Variants in TET3 observed in about 807,000 individuals in gnomAD.
The protein encoded by TET3 is tet methylcytosine dioxygenase 3, also known as methylcytosine dioxygenase TET3.
TET3 carries 19 observed loss-of-function variants against 141.4 expected under a neutral mutation model. The ratio of observed to expected loss-of-function variants is 0.13; its 90% confidence interval spans 0.09 to 0.20. The LOEUF is 0.20. Ranked by LOEUF, TET3 falls within the 10% of genes least tolerant of loss-of-function variation. The pLI is 1.00. For missense variants in TET3, 1,874 were observed against 2,356.9 expected (o/e 0.80, Z 4.24); for synonymous variants, 1,043 against 980.9 (o/e 1.06, Z -1.18).
At chr2:74,050,865 A>C (rs1687906228) in intron 4 of TET3, among the ~76,000 whole-genome samples, 1 of 151,104 alleles carries the variant, frequency 6.6e-6, no homozygotes, top group Admixed American at 6.6e-5. Context: ...GGTTTACTTA[A>C]GGAAAAAAAA....
At chr2:74,061,028 G>A (rs1347096398) in intron 4 of TET3, among the ~76,000 whole-genome samples, 2 of 152,090 alleles carry the variant, frequency 1.3e-5, no homozygotes, top group African/African-American at 4.8e-5. Flanking sequence ...TGAGCTGTTG[G>A]GCACACCTCC....
chr2:74,053,198 C>T (rs1688040886), intron 4 of TET3, among the ~76,000 whole-genome samples: 1 of 152,172 alleles, frequency 6.6e-6, no homozygotes, highest in African/African-American at 2.4e-5. Context: ...TGAATTATTG[C>T]AAGTGACTTG....
At position 74,047,801 on chromosome 2, in the gene TET3, C is replaced by A; in HGVS notation, c.1884C>A (p.Val628=). The A allele has an allele frequency of 6.2e-7, 1 of 1,613,584 alleles. No homozygotes were observed. The highest frequency in any genetic ancestry group is 8.5e-7 in the Non-Finnish European group (1 of 1,179,718). The change falls in exon 4 of 12, where the codon GTC becomes GTA. Residue 628 remains valine (V), a synonymous_variant. Transcript: ENST00000409262. The part of the protein sequence containing the change: ...QPLFPPVRQI[V]LEGLRSPASQ... ...TCTTCCCACCTGTCCGACAGATTGT[C>A]CTGGAAGGGCTTAGGTCCCCAGCCT...
intron 2 of TET3, among the ~76,000 whole-genome samples, chr2:73,990,235 C>T (rs928744836): frequency 3.3e-5 from 5 of 151,936 alleles, no homozygotes; most frequent in African/African-American, 1.2e-4. Flanking sequence ...AAAAATTAGC[C>T]AGGCATGGTG....
Position 74,101,714 on chromosome 2 carries a change from T to C in TET3, c.4926T>C (p.Ser1642=), listed in dbSNP as rs371092729. ...EEEEEELWSD[S]EHNFLDENIG... ...AAGAGGAGGAGCTGTGGTCGGACAG[T>C]GAACACAACTTCCTGGACGAGAACA... Residue 1642 remains serine, a synonymous_variant, in exon 12 of 12, where the codon AGT becomes AGC. Transcript: ENST00000409262. The surrounding 1 kb of genome is among the most constrained non-coding windows in gnomAD (Gnocchi z 8.5). The C allele has an allele frequency of 2.7e-4, 443 of 1,613,310 alleles. No individual in the cohort carries two copies. The highest frequency in any genetic ancestry group is 3.4e-4 in the Non-Finnish European group (400 of 1,179,846).
At chr2:74,003,006 G>T (rs1290928451) in intron 2 of TET3, 104 bp from the exon 3 acceptor site, 4 of 1,257,300 alleles carry the variant, frequency 3.2e-6, no homozygotes, top group South Asian at 1.3e-5. Flanking sequence ...ATCCCCTCCC[G>T]TTCGCCTTCT....
At chr2:74,120,323 A>G in the TET3 span, among the ~76,000 whole-genome samples, 1 of 152,208 alleles carries the variant, frequency 6.6e-6, no homozygotes, top group East Asian at 1.9e-4. Context: ...TCTCGGCAAG[A>G]CTTTCCGCCG....
chr2:74,061,165 C>A (rs1160966138), intron 4 of TET3, among the ~76,000 whole-genome samples: 1 of 150,070 alleles, frequency 6.7e-6, no homozygotes, highest in Non-Finnish European at 1.5e-5. Flanking sequence ...CACTTCCCTC[C>A]CGGACGGGGC....
At chr2:74,034,781 C>G (rs1034100170) in intron 3 of TET3, among the ~76,000 whole-genome samples, 1 of 152,004 alleles carries the variant, frequency 6.6e-6, no homozygotes, top group Non-Finnish European at 1.5e-5. Context: ...ACAAAGCTTT[C>G]CTAGGAGTCG....
chr2:74,025,050 C>T (rs1479830541), intron 3 of TET3, among the ~76,000 whole-genome samples: 1 of 151,450 alleles, frequency 6.6e-6, no homozygotes, highest in Non-Finnish European at 1.5e-5. Context: ...AGTGAAACCC[C>T]GTCTCTACTA....
intron 4 of TET3, among the ~76,000 whole-genome samples, chr2:74,055,873 G>A (rs555928017): frequency 3.2e-4 from 48 of 152,274 alleles, no homozygotes; most frequent in Non-Finnish European, 2.4e-4. Context: ...CTCACCATGT[G>A]TCCTACACCA....
intron 2 of TET3, chr2:74,002,776 C>T: frequency 1.9e-6 from 1 of 539,634 alleles, no homozygotes; most frequent in Non-Finnish European, 3.2e-6. Flanking sequence ...GCCCGCCGGC[C>T]GATGCACCAG....
At chr2:74,134,796 CAG>C in the TET3 span, 1 of 456,634 alleles carries the variant, frequency 2.2e-6, no homozygotes, top group East Asian at 6.9e-5. Flanking sequence ...CCATGGACTC[CAG>C]AGAGAGCAGC....
At chr2:74,002,851 G>A (rs1684936118) in intron 2 of TET3, 1 of 568,056 alleles carries the variant, frequency 1.8e-6, no homozygotes, top group South Asian at 2.2e-5. Flanking sequence ...GCCGGGGGTC[G>A]CCGTCCTCTC....
chr2:74,014,140 T>C (rs1685608484), intron 3 of TET3, among the ~76,000 whole-genome samples: 1 of 152,204 alleles, frequency 6.6e-6, no homozygotes, highest in Admixed American at 6.5e-5. Context: ...ATTTCTACTG[T>C]AGTCTTATAT....
intron 2 of TET3, among the ~76,000 whole-genome samples, chr2:73,996,868 A>G (rs1489204857): frequency 6.6e-6 from 1 of 152,192 alleles, no homozygotes; most frequent in Non-Finnish European, 1.5e-5. Context: ...CCGGCAGCCC[A>G]TTGTGGGATA....
At chr2:74,037,997 G>T (rs955583756) in intron 3 of TET3, among the ~76,000 whole-genome samples, 21 of 152,284 alleles carry the variant, frequency 1.4e-4, no homozygotes, top group African/African-American at 4.8e-4. Context: ...GCATCTGGGG[G>T]GCTCTGGAGT....
At chr2:74,109,942 T>C (rs1014269892), downstream of TET3, among the ~76,000 whole-genome samples, 2 of 152,176 alleles carry the variant, frequency 1.3e-5, no homozygotes, top group African/African-American at 2.4e-5. Context: ...CACTTCCCAA[T>C]TGTGTGATTT....
chr2:74,006,745 C>T (rs979251273), intron 3 of TET3, among the ~76,000 whole-genome samples: 1 of 152,220 alleles, frequency 6.6e-6, no homozygotes, highest in Non-Finnish European at 1.5e-5. Context: ...TCACAATCCT[C>T]TTAAGTCCTC....
Sources: gnomAD v4.1 joint callset for allele counts (sites outside exome capture counted in the v4.1 genomes callset) on GRCh38, gnomAD v4.1.1 for gene constraint, Gnocchi (gnomAD v3.1) non-coding constraint, MANE v1.5 for transcripts, NCBI Gene and HGNC (gene_info 2026-07-23, HGNC 2026-07-21) for gene names.